LEF1: variants seen among roughly 807,000 people sequenced by gnomAD.
The protein encoded by LEF1 is lymphoid enhancer-binding factor 1.
Under a neutral mutation model 51.2 loss-of-function variants are expected in LEF1, and 14 were observed. The ratio of observed to expected loss-of-function variants is 0.27; its 90% confidence interval spans 0.18 to 0.43. The LOEUF (loss-of-function observed/expected upper bound fraction) is 0.43. Among genes scored for constraint, LEF1 ranks in the 20% least tolerant of loss-of-function variants. The pLI, the probability that LEF1 is intolerant of heterozygous loss-of-function variation, is 1.00. For missense variants in LEF1, 386 were observed against 512.0 expected, an observed-to-expected ratio of 0.75 and a Z score of 2.37; for synonymous variants, 185 against 183.2, an observed-to-expected ratio of 1.01 and a Z score of -0.08.
At chr4:108,053,762 C>T (rs1737155245) in intron 11 of LEF1, among the ~76,000 whole-genome samples, 1 of 152,136 alleles carries the variant, frequency 6.6e-6, no homozygotes, top group Non-Finnish European at 1.5e-5. Flanking sequence ...CTTCCTACCA[C>T]GGGAAACATG....
At chr4:108,083,607 A>G (rs1739456143) in intron 4 of LEF1, among the ~76,000 whole-genome samples, 161 bp from the exon 5 acceptor site, 1 of 152,254 alleles carries the variant, frequency 6.6e-6, no homozygotes, top group South Asian at 2.1e-4. Context: ...TTTTCTCAAG[A>G]TTTCAACATC....
intron 3 of LEF1, among the ~76,000 whole-genome samples, chr4:108,144,506 T>C (rs559083661): frequency 5.9e-5 from 9 of 152,228 alleles, no homozygotes; most frequent in Admixed American, 4.6e-4. Flanking sequence ...ATTTTCAACA[T>C]GCTCATGAAA....
chr4:108,154,979 C>T (rs1228059846), intron 3 of LEF1, among the ~76,000 whole-genome samples: 3 of 152,110 alleles, frequency 2.0e-5, no homozygotes, highest in Admixed American at 6.5e-5. Context: ...TCCCTTTGGA[C>T]GTGATCCTTT....
chr4:108,099,574 A>G (rs553726396), intron 3 of LEF1, among the ~76,000 whole-genome samples: 2,041 of 24,102 alleles, frequency 0.085, 34 homozygotes, highest in African/African-American at 0.22. Context: ...GTGTGTGTAT[A>G]TATATATATA....
At chr4:108,068,486 T>C (rs1738233288) in intron 9 of LEF1, among the ~76,000 whole-genome samples, 1 of 152,190 alleles carries the variant, frequency 6.6e-6, no homozygotes, top group African/African-American at 2.4e-5. Flanking sequence ...ATTCATGTAA[T>C]AGTATTCATT....
chr4:108,167,643 C>G lies in LEF1; in HGVS notation c.125G>C (p.Ser42Thr), dbSNP rs1427864631. 6.2e-7 allele frequency: 1 copy of G among 1,614,108 alleles called. No homozygotes were observed. ...TAAATCGCCTTCCTCTTCGGGATGA[C>G]TGATCTCGGCGAAGATCTTTTCCTT... ...PQKEKIFAEI[S>T]HPEEEGDLAD... Residue 42 changes from serine to threonine, a missense_variant, in exon 1 of 12, where the codon AGT (serine) becomes ACT (threonine). Ser to Thr is a moderately conservative substitution (Grantham distance 58). Transcript: ENST00000265165. This position sits in a 1 kb window ranked among gnomAD's most constrained non-coding sequence, Gnocchi z 5.7.
At chr4:108,164,743 T>C (rs927937571) in intron 2 of LEF1, among the ~76,000 whole-genome samples, 4 of 152,164 alleles carry the variant, frequency 2.6e-5, no homozygotes, top group African/African-American at 9.7e-5. Flanking sequence ...AATAAATCGA[T>C]ATATACTGTC....
Position 108,128,824 on chromosome 4 carries a change from C to T in LEF1, c.414+34744G>A, listed in dbSNP as rs565601332. The stretch of plus-strand genomic sequence containing the variant: ...AGAAGAGTTCTCTATCAGGGCAGTA[C>T]AGTTAAATATATTTCCTTTGTTGTT... On this transcript the variant is annotated intron_variant, in intron 3 of 11. Coordinates refer to ENST00000265165, the MANE Select transcript of LEF1 (RefSeq NM_016269.5). Among the ~76,000 whole-genome samples the T allele has an allele frequency of 4.6e-5, 7 of 152,072 alleles. No individual in the cohort carries two copies. The East Asian group carries it at 1.4e-3, about 29-fold the overall frequency.
chr4:108,079,379 A>C, intron 7 of LEF1, 113 bp downstream of exon 7: 1 of 1,185,136 alleles, frequency 8.4e-7, no homozygotes, highest in Non-Finnish European at 1.2e-6. Context: ...GCAGAGGTGC[A>C]TTGAGTTTCA....
chr4:108,092,669 G>C (rs1740099141), intron 3 of LEF1, among the ~76,000 whole-genome samples: 1 of 139,616 alleles, frequency 7.2e-6, no homozygotes, highest in Admixed American at 7.4e-5. Context: ...TGGGGAGTAG[G>C]TAAGCGGAAG....
intron 4 of LEF1, among the ~76,000 whole-genome samples, chr4:108,088,264 AG>A (rs942275436): frequency 1.3e-5 from 2 of 152,240 alleles, no homozygotes; most frequent in African/African-American, 4.8e-5. Flanking sequence ...GGATGGACAA[AG>A]GGGTAAAATG....
intron 3 of LEF1, among the ~76,000 whole-genome samples, chr4:108,096,449 A>G (rs749071309): frequency 2.6e-5 from 4 of 152,206 alleles, no homozygotes; most frequent in African/African-American, 4.8e-5. Flanking sequence ...CTGTGTTTAA[A>G]TGTTTTTATA....
At chr4:108,157,171 T>TACACACACACACAC (rs1381299286) in intron 3 of LEF1, among the ~76,000 whole-genome samples, 5 of 54,938 alleles carry the variant, frequency 9.1e-5, no homozygotes, top group Non-Finnish European at 1.2e-4. Flanking sequence ...TCTCTCTCTA[T>TACACACACACACAC]ATATATATAC....
At chr4:108,143,682 C>A (rs1421953906) in intron 3 of LEF1, among the ~76,000 whole-genome samples, 1 of 152,110 alleles carries the variant, frequency 6.6e-6, no homozygotes, top group Non-Finnish European at 1.5e-5. Context: ...CTTCAAGGCC[C>A]TCCTCAGAGA....
chr4:108,126,879 G>A (rs1352033330), intron 3 of LEF1, among the ~76,000 whole-genome samples: 1 of 150,570 alleles, frequency 6.6e-6, no homozygotes, highest in African/African-American at 2.4e-5. Context: ...ATGTGTGTGT[G>A]TGTGTGTGTG....
chr4:108,055,897 C>T (rs755620909), intron 11 of LEF1, among the ~76,000 whole-genome samples: 7 of 152,194 alleles, frequency 4.6e-5, no homozygotes, highest in Non-Finnish European at 7.3e-5. Context: ...TACCCATGAA[C>T]CCAACCCAAT....
In LEF1 at chr4:108,157,172, A is replaced by C. The variant is rs60641117; in HGVS notation, c.414+6396T>G. Among the ~76,000 whole-genome samples, 369 of 107,862 alleles carry C rather than the reference A, an allele frequency of 3.4e-3. 1 individual carries two copies. The highest frequency in any genetic ancestry group is 6.2e-3 in the African/African-American group (173 of 27,730). 70.8% of individuals were successfully genotyped at this position (107,862 alleles called of 152,430 possible). Reference sequence around the variant, plus strand: ...ATTCTCTCTCTCTCTCTCTCTCTATATATATATACACACACACACACACAC... The same window carrying C: ...ATTCTCTCTCTCTCTCTCTCTCTATCTATATATACACACACACACACACAC... On this transcript the variant is annotated intron_variant, in intron 3 of 11. Coordinates refer to ENST00000265165, the MANE Select transcript of LEF1 (RefSeq NM_016269.5).
intron 9 of LEF1, among the ~76,000 whole-genome samples, chr4:108,068,857 G>A (rs1324944811): frequency 1.3e-5 from 2 of 152,036 alleles, no homozygotes; most frequent in East Asian, 1.9e-4. Context: ...ATTAATTAAC[G>A]GCTTCACTCT....
At chr4:108,115,102 G>C (rs186356191) in intron 3 of LEF1, among the ~76,000 whole-genome samples, 41 of 152,332 alleles carry the variant, frequency 2.7e-4, no homozygotes, top group Non-Finnish European at 4.1e-4. Context: ...TTCAAATAAA[G>C]ATCTATGTCC....
Sources: gnomAD v4.1 joint callset for allele counts (sites outside exome capture counted in the v4.1 genomes callset) on GRCh38, gnomAD v4.1.1 for gene constraint, Gnocchi (gnomAD v3.1) non-coding constraint, MANE v1.5 for transcripts, NCBI Gene and HGNC (gene_info 2026-07-23, HGNC 2026-07-21) for gene names.